The following GMPR2 variants were observed in gnomAD, a reference collection of about 807,000 sequenced individuals.
GMPR2 encodes guanosine monophosphate reductase 2.
In GMPR2, 32 loss-of-function variants were observed where a neutral mutation model predicts 38.5. The ratio of observed to expected loss-of-function variants is 0.83; its 90% CI spans 0.63 to 1.12. GMPR2 has a LOEUF of 1.12. GMPR2 is among the 50% of genes most tolerant of loss of function. GMPR2 has a pLI of 0.00. For missense variants in GMPR2, 396 were observed against 432.1 expected (o/e 0.92, Z 0.74); for synonymous variants, 154 against 151.0 (o/e 1.02, Z -0.15).
chr14:24,236,784 A>T (rs181710528), intron 5 of GMPR2, among the ~76,000 whole-genome samples: 3 of 152,306 alleles, frequency 2.0e-5, no homozygotes, highest in Non-Finnish European at 4.4e-5. Flanking sequence ...TGTTGATCAT[A>T]GCACCTTGTT....
chr14:24,237,473 G>C, intron 7 of GMPR2, 47 bp from the exon 8 acceptor site: 2 of 1,600,962 alleles, frequency 1.2e-6, no homozygotes, highest in Admixed American at 1.7e-5. Flanking sequence ...ACATCGCTGA[G>C]GGCTTGGGAA....
At position 24,237,650 on chromosome 14, in the gene GMPR2, G is replaced by A. The variant is rs200803764; in HGVS notation, c.697+88G>A. The A allele has an allele frequency of 5.5e-5, 64 of 1,166,638 alleles. 1 individual carries two copies. In the East Asian group the frequency reaches 6.6e-4, roughly 12 times the overall value. The allele number at this position is 1,166,638 out of a possible 1,614,324, so 72.3% of individuals were successfully genotyped here. A position where few individuals can be genotyped will look rare whatever the true frequency, so the allele number is the denominator to read the frequency against. On this transcript the variant is annotated intron_variant, in intron 8 of 9. Coordinates refer to ENST00000399440, the MANE Select transcript of GMPR2 (RefSeq NM_001002002.3). The stretch of plus-strand genomic sequence containing the variant: ...CTAGGGTCAGGCTAAGAGAGGCTCA[G>A]GAAGTCATTCAGATTCTTTCATAAT...
At chr14:24,234,607 C>G (rs191963229) in intron 3 of GMPR2, among the ~76,000 whole-genome samples, 7 of 152,192 alleles carry the variant, frequency 4.6e-5, no homozygotes, top group African/African-American at 1.4e-4. Context: ...TTATGTGGAG[C>G]CTGGCTTTCA....
At chr14:24,237,621 G>A in intron 8 of GMPR2, 59 bp downstream of exon 8, 1 of 1,425,594 alleles carries the variant, frequency 7.0e-7, no homozygotes, top group Non-Finnish European at 9.9e-7. Flanking sequence ...TCACCTCTGA[G>A]GGTCTAGGGT....
chr14:24,237,043 A>T (rs2040376388), intron 5 of GMPR2, 28 bp from the exon 6 acceptor site: 1 of 1,558,846 alleles, frequency 6.4e-7, no homozygotes, highest in Admixed American at 1.7e-5. Context: ...GGCCCTAAGG[A>T]TGCTGTATTT....
At position 24,236,108 on chromosome 14, in the gene GMPR2, G is replaced by C; in HGVS notation, c.433G>C (p.Val145Leu). The C allele has an allele frequency of 6.2e-7, 1 of 1,614,118 alleles. No individual in the cohort carries two copies. ...SEHFVEFVKD[V>L]RKRFPQHTIM... is the part of the protein sequence containing the mutation. ...ACACTTTGTTGAATTTGTAAAAGAT[G>C]TACGGAAGCGCTTCCCCCAGCACAC... The change falls in exon 5 of 10, where the codon GTA becomes CTA. Residue 145 changes from valine to leucine, a missense_variant. By Grantham distance (32) the Val-to-Leu change is conservative. Coordinates refer to ENST00000399440, the MANE Select transcript of GMPR2 (RefSeq NM_001002002.3).
At chr14:24,234,311 G>T (rs2040233982) in intron 3 of GMPR2, 1 of 1,026,944 alleles carries the variant, frequency 9.7e-7, no homozygotes, top group Non-Finnish European at 1.3e-6. Context: ...CCTGGTTGAT[G>T]AATTCTGCTA....
chr14:24,239,045 A>T lies in GMPR2; in HGVS notation c.*267A>T, dbSNP rs1321578797. The T allele has an allele frequency of 1.1e-5, 6 of 558,006 alleles. No homozygotes were observed. Among genetic ancestry groups the T allele is most frequent in the Non-Finnish European group, 1.4e-5 (4 of 293,656 alleles). The allele number at this position is 558,006 out of a possible 1,614,324, so 34.6% of individuals were successfully genotyped here. On this transcript the variant is annotated 3_prime_UTR_variant, in exon 10 of 10. Transcript: ENST00000399440. ...TGGGAATCTGGGGACCCAACACAACATCCTGAAGATTATTAAAAGGAAAAG... is the reference window on the plus strand; with the variant it reads ...TGGGAATCTGGGGACCCAACACAACTTCCTGAAGATTATTAAAAGGAAAAG...
Position 24,237,286 on chromosome 14 carries a change from C to G in GMPR2, c.589C>G (p.Pro197Ala). ...TCGGAAGAAAACTGGAGTGGGGTAT[C>G]CACAGCTCAGCGCAGTGATGGAGTG... Reference protein sequence around the residue: ...TTRKKTGVGYPQLSAVMECAD... With the variant: ...TTRKKTGVGYAQLSAVMECAD... Residue 197 changes from proline to alanine, a missense_variant, in exon 7 of 10, where the codon CCA (proline) becomes GCA (alanine). Transcript: ENST00000399440. 1 of 1,611,894 alleles carries G rather than the reference C, an allele frequency of 6.2e-7. No homozygotes were observed.
In GMPR2 at chr14:24,232,967, A is replaced by G. The variant is rs2040119056; in HGVS notation, c.-46A>G. 1.8e-6 allele frequency: 1 copy of G among 552,156 alleles called. No individual in the cohort carries two copies. The highest frequency in any genetic ancestry group is 1.9e-5 in the African/African-American group (1 of 52,948). The allele number at this position is 552,156 out of a possible 1,614,324, so 34.2% of individuals were successfully genotyped here. The stretch of plus-strand genomic sequence containing the variant: ...GCTCTTTGCAGGGGTAGAAGAAGGA[A>G]GTGTAGCGGGGTAAGGAATGCACCG... On this transcript the variant is annotated 5_prime_UTR_variant, in exon 1 of 10. Transcript: ENST00000399440.
intron 2 of GMPR2, 24 bp from the exon 3 acceptor site, chr14:24,233,455 T>G: frequency 1.2e-6 from 2 of 1,611,180 alleles, no homozygotes; most frequent in Non-Finnish European, 1.7e-6. Flanking sequence ...AATGAAATGG[T>G]CAATTTCCTG....
rs777511662 is a variant in GMPR2, at chr14:24,233,495, C to A, written c.104C>A (p.Ser35Tyr). 1.9e-5 allele frequency: 31 copies of A among 1,613,912 alleles called. No homozygotes were observed. The highest frequency in any genetic ancestry group is 2.5e-5 in the Non-Finnish European group (30 of 1,179,952). ...TATCTGCAGGTGGATCTCACAAGATCCTTTTCATTTCGGAACTCAAAGCAG... is the reference window on the plus strand; with the variant it reads ...TATCTGCAGGTGGATCTCACAAGATACTTTTCATTTCGGAACTCAAAGCAG... ...KSRSEVDLTR[S>Y]FSFRNSKQTY... Residue 35 changes from serine to tyrosine, a missense_variant, in exon 3 of 10, where the codon TCC becomes TAC. By Grantham distance (144) the Ser-to-Tyr change is moderately radical (BLOSUM62 -2). Coordinates refer to ENST00000399440, the MANE Select transcript of GMPR2 (RefSeq NM_001002002.3).
rs778316980 is a variant in GMPR2, at chr14:24,238,241, G to A, written c.698-5G>A. 1.2e-6 allele frequency: 2 copies of A among 1,606,284 alleles called. No homozygotes were observed. Among genetic ancestry groups the A allele is most frequent in the Non-Finnish European group, 1.7e-6 (2 of 1,175,280 alleles). On this transcript the variant is annotated splice_polypyrimidine_tract_variant and splice_region_variant and intron_variant, in intron 8 of 9. Transcript: ENST00000399440. ...ATCTCTTTCCCCCCTCCATGATGGT[G>A]GCAGGGGCAGGAGCTGACTTCGTGA...
rs998673081 is a variant in GMPR2, at chr14:24,234,274, T to C, written c.207+676T>C. 1.2e-5 allele frequency: 15 copies of C among 1,277,334 alleles called. No homozygotes were observed. The African/African-American group carries it at 1.2e-4, about 10-fold the overall frequency. 79.1% of individuals were successfully genotyped at this position (1,277,334 alleles called of 1,614,324 possible). A position where few individuals can be genotyped will look rare whatever the true frequency, so the allele number is the denominator to read the frequency against. ...GTTATCTGGGCACTTTGAGAACATA[T>C]GCACTCTGCTGGTTGATCCATGTAG... On this transcript the variant is annotated intron_variant, in intron 3 of 9. Coordinates refer to ENST00000399440, the MANE Select transcript of GMPR2 (RefSeq NM_001002002.3).
In GMPR2 at chr14:24,238,367, G is replaced by C; in HGVS notation, c.819G>C (p.Met273Ile). The C allele has an allele frequency of 1.2e-6, 2 of 1,614,064 alleles. No individual in the cohort carries two copies. The highest frequency in any genetic ancestry group is 1.7e-6 in the Non-Finnish European group (2 of 1,180,010). The part of the protein sequence containing the change: ...YKLFYGMSSE[M>I]AMKKYAGGVA... ...TCTTCTATGGAATGAGTTCTGAAATGGCCATGAAGAAGTATGCTGGGGGCG... is the reference window on the plus strand; with the variant it reads ...TCTTCTATGGAATGAGTTCTGAAATCGCCATGAAGAAGTATGCTGGGGGCG... Residue 273 changes from methionine to isoleucine, a missense_variant, in exon 9 of 10, where the codon ATG (methionine) becomes ATC (isoleucine). Physicochemically the swap from Met to Ile is conservative, Grantham distance 10. Transcript: ENST00000399440.
At chr14:24,237,489 T>C in intron 7 of GMPR2, 31 bp from the exon 8 acceptor site, 2 of 1,610,178 alleles carry the variant, frequency 1.2e-6, no homozygotes, top group Non-Finnish European at 1.7e-6. Flanking sequence ...GGGAAATCCA[T>C]GTTGTATTCA....
At chr14:24,238,046 T>C (rs548979112) in intron 8 of GMPR2, 200 bp from the exon 9 acceptor site, 12 of 542,668 alleles carry the variant, frequency 2.2e-5, no homozygotes, top group African/African-American at 2.1e-4. Flanking sequence ...TTTTTAAATC[T>C]TGGGGAAATC....
rs2040483490 is a variant in GMPR2, at chr14:24,238,897, A to T, written c.*119A>T. The T allele has an allele frequency of 1.2e-6, 1 of 838,236 alleles. No homozygotes were observed. The highest frequency in any genetic ancestry group is 2.0e-6 in the Non-Finnish European group (1 of 507,760). 51.9% of individuals were successfully genotyped at this position (838,236 alleles called of 1,614,324 possible). A position where few individuals can be genotyped will look rare whatever the true frequency, so the allele number is the denominator to read the frequency against. ...TTACTTTGTCATTTCCTGTTGTCTC[A>T]CTCCTGAGGGCTCCTGCAGTAACTC... On this transcript the variant is annotated 3_prime_UTR_variant, in exon 10 of 10. Transcript: ENST00000399440.
At position 24,235,639 on chromosome 14, in the gene GMPR2, T is replaced by C; in HGVS notation, c.208-98T>C. The C allele has an allele frequency of 3.5e-6, 3 of 850,022 alleles. No homozygotes were observed. The South Asian group carries it at 4.2e-5, about 12-fold the overall frequency. 52.7% of individuals were successfully genotyped at this position (850,022 alleles called of 1,614,324 possible). A position where few individuals can be genotyped will look rare whatever the true frequency, so the allele number is the denominator to read the frequency against. On this transcript the variant is annotated intron_variant, in intron 3 of 9. Coordinates refer to ENST00000399440, the MANE Select transcript of GMPR2 (RefSeq NM_001002002.3). ...TTCTTTGACTTGTTTCCTCCCCAAC[T>C]TCAATCATGTCCTCCCTCAGATAGA...
Sources: allele counts gnomAD v4.1 joint callset (sites outside exome capture counted in the v4.1 genomes callset), GRCh38; gene constraint gnomAD v4.1.1; transcripts MANE v1.5; gene names NCBI Gene and HGNC (gene_info 2026-07-23, HGNC 2026-07-21).